TUT4: variants seen among roughly 807,000 people sequenced by gnomAD.
TUT4 encodes terminal uridylyltransferase 4.
In TUT4, 36 loss-of-function variants were observed where a neutral mutation model predicts 192.2. That is an observed-to-expected ratio of 0.19 (90% CI 0.14 to 0.25). TUT4 has a LOEUF of 0.25. TUT4 is among the 10% of genes least tolerant of loss of function. The pLI is 1.00. For synonymous variants in TUT4, 618 were observed against 666.0 expected (o/e 0.93, Z 1.11); for missense variants, 1,493 against 1,957.2 (o/e 0.76, Z 4.47).
In TUT4 at chr1:52,425,414, A is replaced by G; in HGVS notation, c.4805T>C (p.Leu1602Ser). The change falls in exon 29 of 30, where the codon TTG becomes TCG. Residue 1602 changes from leucine to serine, a missense_variant. Around this residue, in one of 7 missense-constraint regions of TUT4, gnomAD observed 351 missense variants for 397.8 expected, o/e 0.88. Transcript: ENST00000257177. ...TCCCTGATGCATGAAGTTTTGATGC[A>G]AACCATAAGGCCACGAAGCTGGGAC... ...PLVPASWPYG[L>S]HQNFMHQGNA... The G allele has an allele frequency of 6.2e-7, 1 of 1,614,090 alleles. No homozygotes were observed. The highest frequency in any genetic ancestry group is 8.5e-7 in the Non-Finnish European group (1 of 1,179,966).
chr1:52,451,756 T>C (rs1054307399), intron 20 of TUT4, among the ~76,000 whole-genome samples: 3 of 151,578 alleles, frequency 2.0e-5, no homozygotes, highest in Non-Finnish European at 4.4e-5. Flanking sequence ...GGAAGGAGAA[T>C]TGCTTGAACC....
chr1:52,534,104 G>C (rs1684248082), intron 1 of TUT4, among the ~76,000 whole-genome samples: 1 of 152,180 alleles, frequency 6.6e-6, no homozygotes, highest in Non-Finnish European at 1.5e-5. Flanking sequence ...CCTTGCCTAA[G>C]GAGAAGAGGT....
At chr1:52,433,812 TG>T (rs1208879191) in intron 27 of TUT4, 4 of 152,168 alleles carry the variant, frequency 2.6e-5, no homozygotes, top group Non-Finnish European at 5.9e-5. Flanking sequence ...GAAGATTAAC[TG>T]AACAATGCAT....
At chr1:52,426,613 G>T (rs1178394388) in intron 28 of TUT4, among the ~76,000 whole-genome samples, 1 of 152,176 alleles carries the variant, frequency 6.6e-6, no homozygotes, top group Non-Finnish European at 1.5e-5. Flanking sequence ...AATCTTCTCA[G>T]AAAGTAAGCA....
At chr1:52,515,558 T>C (rs551343748) in intron 3 of TUT4, 15 of 408,512 alleles carry the variant, frequency 3.7e-5, no homozygotes, top group Non-Finnish European at 5.6e-5. Flanking sequence ...TGTAAACAAA[T>C]AGGCATGGCT....
At chr1:52,481,720 C>A in intron 10 of TUT4, 84 bp downstream of exon 10, 1 of 1,542,686 alleles carries the variant, frequency 6.5e-7, no homozygotes, top group South Asian at 1.3e-5. Flanking sequence ...AACCAGAATT[C>A]CAGCTTAAAA....
chr1:52,431,399 G>T lies in TUT4; in HGVS notation c.4325C>A (p.Ala1442Asp). Residue 1442 changes from alanine (A) to aspartate (D), a missense_variant, in exon 28 of 30, where the codon GCT becomes GAT. This residue lies in a region of TUT4 where 351 missense variants were observed against 397.8 expected (regional missense o/e 0.88). Coordinates refer to ENST00000257177, the MANE Select transcript of TUT4 (RefSeq NM_001009881.3). ...QPFPQNSSQSAAITQPSSQPG... is the reference protein window; with the variant it reads ...QPFPQNSSQSDAITQPSSQPG... ...CTGAGATGAAGGCTGAGTAATAGCA[G>T]CTGACTGGGAAGAGTTCTGTGGAAA... 1 of 1,614,106 alleles carries T rather than the reference G, an allele frequency of 6.2e-7. No individual in the cohort carries two copies. Among genetic ancestry groups the T allele is most frequent in the Non-Finnish European group, 8.5e-7 (1 of 1,180,004 alleles).
At chr1:52,461,071 C>T in intron 19 of TUT4, 63 bp downstream of exon 19, 3 of 1,373,262 alleles carry the variant, frequency 2.2e-6, no homozygotes, top group South Asian at 1.5e-5. Flanking sequence ...ACAAATCTGA[C>T]ATTAGTTATG....
intron 20 of TUT4, 138 bp from the exon 21 acceptor site, chr1:52,446,805 T>C (rs1269126092): frequency 3.3e-6 from 2 of 602,112 alleles, no homozygotes; most frequent in African/African-American, 1.9e-5. Context: ...AGGATGATGG[T>C]ATAATTTGAT....
intron 2 of TUT4, among the ~76,000 whole-genome samples, chr1:52,519,169 T>C (rs1318696651): frequency 2.6e-5 from 4 of 152,268 alleles, no homozygotes; most frequent in Non-Finnish European, 4.4e-5. Flanking sequence ...AATATATCCA[T>C]ATAATGCAAT....
chr1:52,498,479 C>T (rs1156748956), intron 4 of TUT4, among the ~76,000 whole-genome samples: 4 of 151,950 alleles, frequency 2.6e-5, no homozygotes, highest in Non-Finnish European at 4.4e-5. Flanking sequence ...CTGCTGACCT[C>T]GTGGTCCACC....
chr1:52,504,490 C>T (rs1175511113), intron 4 of TUT4, among the ~76,000 whole-genome samples: 3 of 151,994 alleles, frequency 2.0e-5, no homozygotes, highest in Non-Finnish European at 2.9e-5. Context: ...ATTAGCCAGG[C>T]GTGGTGGCAT....
rs1453220754 is a variant in TUT4 at position 52,495,527 on chromosome 1, G to A, written c.1178-12C>T. 1 of 1,584,326 alleles carries A rather than the reference G, an allele frequency of 6.3e-7. No individual in the cohort carries two copies. On this transcript the variant is annotated splice_polypyrimidine_tract_variant and intron_variant, in intron 5 of 29. Transcript: ENST00000257177. ...CCTAAGTGAACATTCTGGAATAAAG[G>A]AAAAACATCAAAGCATGAAATAGCA...
intron 25 of TUT4, chr1:52,437,468 G>T (rs952267835): frequency 6.5e-6 from 1 of 153,276 alleles, no homozygotes; most frequent in Non-Finnish European, 1.5e-5. Context: ...GAGTATAGAA[G>T]ATGTACATTC....
chr1:52,516,354 CAT>C (rs1215746732), intron 2 of TUT4, among the ~76,000 whole-genome samples: 5 of 152,114 alleles, frequency 3.3e-5, no homozygotes, highest in Non-Finnish European at 5.9e-5. Context: ...GCTAATATAA[CAT>C]AATCATCTTG....
intron 1 of TUT4, among the ~76,000 whole-genome samples, chr1:52,550,617 T>C (rs1466384842): frequency 6.7e-6 from 1 of 149,266 alleles, no homozygotes; most frequent in Non-Finnish European, 1.5e-5. Context: ...ACCTCCTACC[T>C]CAGCTTCTGG....
In TUT4 at chr1:52,481,835, G is replaced by A. The variant is rs1334091405; in HGVS notation, c.1604C>T (p.Pro535Leu). 9 of 1,595,998 alleles carry A rather than the reference G, an allele frequency of 5.6e-6. No homozygotes were observed. The East Asian group carries it at 1.6e-4, about 28-fold the overall frequency. ...MVMFFLQQRKPPLLPCLLGSW... is the reference protein window; with the variant it reads ...MVMFFLQQRKLPLLPCLLGSW... The stretch of plus-strand genomic sequence containing the variant: ...TCCAAGTAAGCAAGGAAGAAGAGGG[G>A]GTTTTCTCTGTTGTAGAAAAAACAT... The change falls in exon 10 of 30, where the codon CCC becomes CTC. Residue 535 changes from proline (P) to leucine (L), a missense_variant. Transcript: ENST00000257177.
At chr1:52,461,302 A>G in intron 18 of TUT4, 79 bp from the exon 19 acceptor site, 2 of 1,330,724 alleles carry the variant, frequency 1.5e-6, no homozygotes, top group South Asian at 1.4e-5. Context: ...AGTAAAATAC[A>G]CTCCAAATAC....
chr1:52,462,915 C>T, intron 16 of TUT4: 1 of 985,360 alleles, frequency 1.0e-6, no homozygotes, highest in African/African-American at 1.7e-5. Context: ...GTTATAAAGT[C>T]ATTTGCATTT....
Sources: gnomAD v4.1 joint callset for allele counts (sites outside exome capture counted in the v4.1 genomes callset) on GRCh38, gnomAD v4.1.1 for gene constraint, gnomAD v4.1.1 regional missense constraint, MANE v1.5 for transcripts, NCBI Gene and HGNC (gene_info 2026-07-23, HGNC 2026-07-21) for gene names.